FAM227B: variants seen among roughly 807,000 people sequenced by gnomAD.
FAM227B encodes protein FAM227B.
A neutral mutation model predicts 73.8 loss-of-function variants in FAM227B; 88 were observed. The ratio of observed to expected loss-of-function variants is 1.19; its 90% confidence interval spans 1.00 to 1.42. The LOEUF is 1.42. Among genes scored for constraint, FAM227B ranks in the 40% most tolerant of loss-of-function variants. The pLI is 0.00. For synonymous variants in FAM227B, 210 were observed against 190.5 expected (o/e 1.10, Z -0.84); for missense variants, 632 against 590.9 (o/e 1.07, Z -0.72).
intron 3 of FAM227B, among the ~76,000 whole-genome samples, chr15:49,594,304 C>T (rs930420796): frequency 6.6e-6 from 1 of 151,848 alleles, no homozygotes; most frequent in African/African-American, 2.4e-5. Flanking sequence ...ATTTGAGTTC[C>T]TTGTAGACTC....
intron 14 of FAM227B, chr15:49,334,255 T>C: frequency 1.0e-6 from 1 of 984,676 alleles, no homozygotes; most frequent in African/African-American, 1.7e-5. Flanking sequence ...TGCTGCTGTT[T>C]TAGAAGTTTT....
intron 11 of FAM227B, among the ~76,000 whole-genome samples, chr15:49,492,055 C>T (rs984866147): frequency 6.6e-6 from 1 of 151,746 alleles, no homozygotes; most frequent in Non-Finnish European, 1.5e-5. Context: ...TTATCTATTG[C>T]CATACAAAGG....
Position 49,489,907 on chromosome 15 carries a change from G to GAC in FAM227B, c.1012+18303_1012+18304insGT, listed in dbSNP as rs2056921762. Among the ~76,000 whole-genome samples the GAC allele has an allele frequency of 1.5e-4, 4 of 27,174 alleles. 1 individual carries two copies. Among genetic ancestry groups the GAC allele is most frequent in the Non-Finnish European group, 4.5e-4 (4 of 8,984 alleles). The allele number at this position is 27,174 out of a possible 152,430, so 17.8% of individuals were successfully genotyped here. ...ATAGAGAGAGAGAGAGAGAGAGAGA[G>GAC]AGAGAGACAGAGAGAGAGACAGAGA... On this transcript the variant is annotated intron_variant, in intron 11 of 15. Transcript: ENST00000299338.
intron 11 of FAM227B, among the ~76,000 whole-genome samples, chr15:49,466,292 G>A (rs560115986): frequency 2.1e-4 from 32 of 152,162 alleles, no homozygotes; most frequent in Non-Finnish European, 4.4e-4. Context: ...ATCAGTCCAT[G>A]AGGCAATATT....
chr15:49,536,837 A>G (rs1352681100), intron 10 of FAM227B, among the ~76,000 whole-genome samples: 2 of 152,036 alleles, frequency 1.3e-5, no homozygotes. Flanking sequence ...TTTTCAATAA[A>G]TGGTGCTGGG....
rs1249107925 is a variant in FAM227B, at chr15:49,589,957, G to A, written c.156C>T (p.Cys52=). 1 of 1,608,182 alleles carries A rather than the reference G, an allele frequency of 6.2e-7. No homozygotes were observed. The change falls in exon 4 of 16, where the codon TGC becomes TGT. Residue 52 remains cysteine (C), a synonymous_variant. Coordinates refer to ENST00000299338, the MANE Select transcript of FAM227B (RefSeq NM_152647.3). ...IHFRDDDKWS[C]TLKKIKEDSS... ...TATCTTCTTTTATTTTTTTCAGAGT[G>A]CATGACCATTTATCATCATCTCTAA...
At chr15:49,508,461 T>C (rs2152114947) in intron 10 of FAM227B, 113 bp from the exon 11 acceptor site, 2 of 984,294 alleles carry the variant, frequency 2.0e-6, no homozygotes, top group East Asian at 5.7e-5. Flanking sequence ...AACAAAAAAG[T>C]TCCTTTTTTG....
chr15:49,476,554 T>C (rs991775276), intron 11 of FAM227B, among the ~76,000 whole-genome samples: 1 of 151,994 alleles, frequency 6.6e-6, no homozygotes, highest in Non-Finnish European at 1.5e-5. Flanking sequence ...AAGTTATCCA[T>C]TGGGTAAGAA....
At chr15:49,520,143 A>T (rs1373440762) in intron 10 of FAM227B, among the ~76,000 whole-genome samples, 1 of 152,190 alleles carries the variant, frequency 6.6e-6, no homozygotes, top group East Asian at 1.9e-4. Context: ...AGCAAGGAAC[A>T]CTTTTGCTCC....
At chr15:49,350,651 T>C (rs747444544) in intron 13 of FAM227B, among the ~76,000 whole-genome samples, 1 of 152,092 alleles carries the variant, frequency 6.6e-6, no homozygotes, top group Non-Finnish European at 1.5e-5. Context: ...CCTATGAGGG[T>C]ACTGTGATTT....
chr15:49,475,407 A>C (rs1320809525), intron 11 of FAM227B, among the ~76,000 whole-genome samples: 1 of 152,184 alleles, frequency 6.6e-6, no homozygotes, highest in Non-Finnish European at 1.5e-5. Context: ...TCCTTTGAAA[A>C]GATTTCAGAG....
rs539276900 is a variant in FAM227B at position 49,355,648 on chromosome 15, C to G, written c.1271+11800G>C. On this transcript the variant is annotated intron_variant, in intron 13 of 15. Transcript: ENST00000299338. ...CTGAAAGTGATGGGGAGAATGGAAC[C>G]AAGTTGGAAAACACTCTGCAGGATA... is the stretch of plus-strand genomic sequence containing the variant. 1.3e-4 allele frequency among the ~76,000 whole-genome samples: 20 copies of G among 152,056 alleles called. No individual in the cohort carries two copies. In the South Asian group the frequency reaches 3.9e-3, roughly 30 times the overall value.
At chr15:49,420,930 T>A (rs2049574802) in intron 11 of FAM227B, among the ~76,000 whole-genome samples, 1 of 152,116 alleles carries the variant, frequency 6.6e-6, no homozygotes, top group African/African-American at 2.4e-5. Flanking sequence ...ATGGTCTCGA[T>A]CTCCTGACTT....
chr15:49,363,853 T>C (rs1237118472), intron 13 of FAM227B, among the ~76,000 whole-genome samples: 1 of 152,182 alleles, frequency 6.6e-6, no homozygotes, highest in Non-Finnish European at 1.5e-5. Context: ...AAAAGCCTAT[T>C]CTGCATGTAT....
At chr15:49,566,283 A>C (rs2074651793) in intron 9 of FAM227B, among the ~76,000 whole-genome samples, 2 of 152,274 alleles carry the variant, frequency 1.3e-5, no homozygotes, top group African/African-American at 4.8e-5. Context: ...TTTCTACCAG[A>C]AATGATGACA....
chr15:49,590,835 C>T (rs1434591262), intron 3 of FAM227B, among the ~76,000 whole-genome samples: 2 of 152,044 alleles, frequency 1.3e-5, no homozygotes, highest in African/African-American at 4.8e-5. Context: ...CTTTCACAAG[C>T]CCCAGTAAGA....
At chr15:49,369,629 C>A (rs1329974925) in intron 12 of FAM227B, among the ~76,000 whole-genome samples, 1 of 152,152 alleles carries the variant, frequency 6.6e-6, no homozygotes, top group Non-Finnish European at 1.5e-5. Context: ...TGCCAATGCT[C>A]ATACCCAGTG....
intron 10 of FAM227B, among the ~76,000 whole-genome samples, chr15:49,514,920 T>A (rs2152130779): frequency 6.6e-6 from 1 of 152,288 alleles, no homozygotes; most frequent in East Asian, 1.9e-4. Context: ...CCATTTCAGT[T>A]AATTTTTGCA....
chr15:49,465,196 C>G (rs961895704), intron 11 of FAM227B, among the ~76,000 whole-genome samples: 2 of 152,090 alleles, frequency 1.3e-5, no homozygotes, highest in African/African-American at 4.8e-5. Context: ...GTAACACGAT[C>G]TCAACTCACT....
Sources: gnomAD v4.1 joint callset for allele counts (sites outside exome capture counted in the v4.1 genomes callset) on GRCh38, gnomAD v4.1.1 for gene constraint, MANE v1.5 for transcripts, NCBI Gene and HGNC (gene_info 2026-07-23, HGNC 2026-07-21) for gene names.